The following NRG1 variants were observed in gnomAD, a reference collection of about 807,000 sequenced individuals.
The protein encoded by NRG1 is pro-neuregulin-1, membrane-bound isoform.
In NRG1, 18 loss-of-function variants were observed where a neutral mutation model predicts 63.8. The observed-to-expected ratio is 0.28, with a 90% CI of 0.19 to 0.42. NRG1 has a LOEUF of 0.42. Ranked by LOEUF, NRG1 falls within the 10% of genes least tolerant of loss-of-function variation. The pLI, the probability that NRG1 is intolerant of heterozygous loss-of-function variation, is 1.00. For missense variants in NRG1, 762 were observed against 814.7 expected, an observed-to-expected ratio of 0.94 and a Z score of 0.79; for synonymous variants, 302 against 301.3, an observed-to-expected ratio of 1.00 and a Z score of -0.02.
intron 1 of NRG1, among the ~76,000 whole-genome samples, chr8:32,074,132 C>T (rs1247895792): frequency 6.6e-6 from 1 of 152,132 alleles, no homozygotes; most frequent in Non-Finnish European, 1.5e-5. Context: ...CTATACTAAA[C>T]CAAGGATGCT....
rs117726579 is a variant in NRG1, at chr8:31,973,846, G to C, written c.37+334415G>C. Reference sequence around the variant, plus strand: ...CAGTGAAGACTCATTAAGATGCCCAGCATTTAAAGGGAGATCAATAAAAGA... The same window carrying C: ...CAGTGAAGACTCATTAAGATGCCCACCATTTAAAGGGAGATCAATAAAAGA... On this transcript the variant is annotated intron_variant, in intron 1 of 10. Coordinates refer to the NRG1 transcript ENST00000519301. 2.0e-5 allele frequency among the ~76,000 whole-genome samples: 3 copies of C among 152,254 alleles called. No homozygotes were observed. The South Asian group carries it at 6.2e-4, about 32-fold the overall frequency.
At chr8:31,888,120 A>T (rs1482240844) in intron 1 of NRG1, among the ~76,000 whole-genome samples, 1 of 152,032 alleles carries the variant, frequency 6.6e-6, no homozygotes, top group East Asian at 1.9e-4. Context: ...TCAATATATT[A>T]TACATGTGTT....
At chr8:32,430,983 A>T (rs904903611) in intron 1 of NRG1, among the ~76,000 whole-genome samples, 2 of 152,134 alleles carry the variant, frequency 1.3e-5, no homozygotes, top group African/African-American at 4.8e-5. Context: ...AATAACTAGC[A>T]TTTATTGGAC....
intron 1 of NRG1, among the ~76,000 whole-genome samples, chr8:31,997,402 G>C (rs1812187088): frequency 6.6e-6 from 1 of 151,884 alleles, no homozygotes; most frequent in Non-Finnish European, 1.5e-5. Context: ...CTTCTGGCTA[G>C]GCAATAGGGT....
chr8:32,456,183 C>T (rs541908048), intron 1 of NRG1, among the ~76,000 whole-genome samples: 3 of 152,296 alleles, frequency 2.0e-5, no homozygotes, highest in African/African-American at 7.2e-5. Context: ...CCCATGTATG[C>T]ACAACCGAAT....
rs1479836823 is a variant in NRG1 at position 32,406,356 on chromosome 8, T to C, written c.38-189472T>C. Among the ~76,000 whole-genome samples, 5 of 152,284 alleles carry C rather than the reference T, an allele frequency of 3.3e-5. No individual in the cohort carries two copies. The East Asian group carries it at 7.7e-4, about 23-fold the overall frequency. ...TGCCTTTGTTTTATCATCTATAAAA[T>C]GGGAATAACCATAGTACCTTATTCA... On this transcript the variant is annotated intron_variant, in intron 1 of 10. Coordinates refer to the NRG1 transcript ENST00000519301.
At position 31,957,015 on chromosome 8, in the gene NRG1, A is replaced by G. The variant is rs184574733; in HGVS notation, c.37+317584A>G. Among the ~76,000 whole-genome samples, 21 of 151,776 alleles carry G rather than the reference A, an allele frequency of 1.4e-4. No homozygotes were observed. In the East Asian group the frequency reaches 2.5e-3, roughly 18 times the overall value. The stretch of plus-strand genomic sequence containing the variant: ...TTCTACCAGGGTGAAATAGAGGGGG[A>G]AAAAAAACCCCTAGGTTTCTGGAAA... On this transcript the variant is annotated intron_variant, in intron 1 of 10. Transcript: ENST00000519301.
rs547399243 is a variant in NRG1 at position 32,184,673 on chromosome 8, A to G, written c.38-411155A>G. On this transcript the variant is annotated intron_variant, in intron 1 of 10. Coordinates refer to the NRG1 transcript ENST00000519301. ...GAGCTAAAGACATTTTCCTTAAAAG[A>G]AATATACTTGTTTTATGCTTTAATG... Among the ~76,000 whole-genome samples, 3 of 152,252 alleles carry G rather than the reference A, an allele frequency of 2.0e-5. No homozygotes were observed. The South Asian group carries it at 6.2e-4, about 32-fold the overall frequency.
intron 1 of NRG1, among the ~76,000 whole-genome samples, chr8:32,509,921 C>G (rs1167816393): frequency 3.9e-5 from 6 of 152,026 alleles, no homozygotes; most frequent in Non-Finnish European, 5.9e-5. Flanking sequence ...TTCATTCAGA[C>G]CCTACAATTA....
At chr8:32,496,140 C>A (rs532822463) in intron 1 of NRG1, among the ~76,000 whole-genome samples, 10 of 152,156 alleles carry the variant, frequency 6.6e-5, no homozygotes, top group African/African-American at 2.4e-4. Flanking sequence ...TTAGCAAAAC[C>A]CCCCAGACAC....
At chr8:31,965,665 C>G (rs1806199758) in intron 1 of NRG1, among the ~76,000 whole-genome samples, 1 of 152,056 alleles carries the variant, frequency 6.6e-6, no homozygotes, top group African/African-American at 2.4e-5. Context: ...ATCCATATTC[C>G]CAACAGTGTA....
chr8:31,836,664 C>T (rs185994450), intron 1 of NRG1, among the ~76,000 whole-genome samples: 1 of 151,950 alleles, frequency 6.6e-6, no homozygotes, highest in Non-Finnish European at 1.5e-5. Flanking sequence ...TTGCACGTAC[C>T]AACTGTAGTT....
chr8:31,877,558 C>T (rs1319573931), intron 1 of NRG1, among the ~76,000 whole-genome samples: 3 of 151,822 alleles, frequency 2.0e-5, no homozygotes, highest in African/African-American at 4.8e-5. Context: ...TATTTTAATG[C>T]CCACTCTATT....
rs1441427203 is a variant in NRG1 at position 31,968,043 on chromosome 8, T to C, written c.37+328612T>C. 4.6e-5 allele frequency among the ~76,000 whole-genome samples: 7 copies of C among 152,190 alleles called. No homozygotes were observed. The East Asian group carries it at 1.3e-3, about 29-fold the overall frequency. On this transcript the variant is annotated intron_variant, in intron 1 of 10. Transcript: ENST00000519301. ...TCCCTCAGTTCTTCATATTGCCTTA[T>C]GAACACTGGCCAGAAGGGAAGCACA... is the stretch of plus-strand genomic sequence containing the variant.
chr8:32,724,919 C>T (rs1008259550), intron 5 of NRG1, among the ~76,000 whole-genome samples: 5 of 152,120 alleles, frequency 3.3e-5, no homozygotes, highest in African/African-American at 1.2e-4. Context: ...ATGACTATGT[C>T]AGAGCTAGGG....
chr8:32,691,342 G>T (rs1491000747), intron 5 of NRG1, among the ~76,000 whole-genome samples: 1 of 152,156 alleles, frequency 6.6e-6, no homozygotes, highest in Non-Finnish European at 1.5e-5. Context: ...AACAGTGCCA[G>T]ACTCCGTCTC....
intron 1 of NRG1, among the ~76,000 whole-genome samples, chr8:32,386,636 G>A (rs1811062943): frequency 6.6e-6 from 1 of 152,320 alleles, no homozygotes. Context: ...GGCCTATAAA[G>A]TATTGTCTAT....
rs571790397 is a variant in NRG1 at position 31,816,801 on chromosome 8, T to G, written c.37+177370T>G. On this transcript the variant is annotated intron_variant, in intron 1 of 10. Transcript: ENST00000519301. Reference sequence around the variant, plus strand: ...GAAATGCCAAATGAATGCCATTGCCTCTTCAGCCCTAAACACAAAGCCCAG... The same window carrying G: ...GAAATGCCAAATGAATGCCATTGCCGCTTCAGCCCTAAACACAAAGCCCAG... 2.0e-4 allele frequency among the ~76,000 whole-genome samples: 31 copies of G among 152,334 alleles called. No homozygotes were observed. In the South Asian group the frequency reaches 3.9e-3, roughly 19 times the overall value.
intron 1 of NRG1, among the ~76,000 whole-genome samples, chr8:31,992,603 A>G (rs1337381839): frequency 6.6e-6 from 1 of 152,070 alleles, no homozygotes; most frequent in Non-Finnish European, 1.5e-5. Flanking sequence ...TAATTCGACT[A>G]GAAAGACTCA....
Sources: gnomAD v4.1 joint callset for allele counts (sites outside exome capture counted in the v4.1 genomes callset) on GRCh38, gnomAD v4.1.1 for gene constraint, MANE v1.5 for transcripts, NCBI Gene and HGNC (gene_info 2026-07-23, HGNC 2026-07-21) for gene names.